Variants in GRK5 observed in about 807,000 individuals in gnomAD.
GRK5 encodes g protein-coupled receptor kinase GRK5.
GRK5 carries 40 observed loss-of-function variants against 78.4 expected under a neutral mutation model. The observed-to-expected ratio is 0.51, with a 90% confidence interval of 0.40 to 0.66. GRK5 has a LOEUF of 0.66. Among genes scored for constraint, GRK5 ranks in the 30% least tolerant of loss-of-function variants. The pLI is 0.00. For synonymous variants in GRK5, 289 were observed against 296.8 expected (o/e 0.97, Z 0.27); for missense variants, 598 against 759.9 (o/e 0.79, Z 2.50).
At chr10:119,432,963 T>G (rs1303911429) in intron 8 of GRK5, among the ~76,000 whole-genome samples, 1 of 152,000 alleles carries the variant, frequency 6.6e-6, no homozygotes, top group Non-Finnish European at 1.5e-5. Context: ...TCCAGCTACT[T>G]GGGAGGCTGA....
At chr10:119,403,383 T>G (rs1388650656) in intron 4 of GRK5, among the ~76,000 whole-genome samples, 1 of 152,172 alleles carries the variant, frequency 6.6e-6, no homozygotes, top group Non-Finnish European at 1.5e-5. Context: ...GCCAGGATGG[T>G]CTCGATCTCC....
chr10:119,216,047 T>G (rs12241835), intron 1 of GRK5, among the ~76,000 whole-genome samples: 2,303 of 152,348 alleles, frequency 0.015, 24 homozygotes, highest in Middle Eastern at 0.058. Flanking sequence ...CCTTAAAAAC[T>G]GTTTCTTGTG....
chr10:119,243,571 T>TTC lies in GRK5; in HGVS notation c.52+35603_52+35604insCT, dbSNP rs1554898022. 2.9e-3 allele frequency among the ~76,000 whole-genome samples: 436 copies of TTC among 148,748 alleles called. 4 individuals are homozygous for TTC. The highest frequency in any genetic ancestry group is 8.2e-3 in the African/African-American group (334 of 40,890). On this transcript the variant is annotated intron_variant, in intron 1 of 15. Transcript: ENST00000392870. ...AAACAATGTTCCCAGTTTTTCTTTT[T>TTC]TTTTTTTTTTTTCTTTCTGTCCCTA...
At chr10:119,428,540 C>T (rs1852748832) in intron 6 of GRK5, among the ~76,000 whole-genome samples, 1 of 152,186 alleles carries the variant, frequency 6.6e-6, no homozygotes, top group African/African-American at 2.4e-5. Context: ...CAGCCTTGGG[C>T]CACTCAGCAA....
chr10:119,239,817 C>T (rs1467881035), intron 1 of GRK5, among the ~76,000 whole-genome samples: 1 of 152,112 alleles, frequency 6.6e-6, no homozygotes, highest in Non-Finnish European at 1.5e-5. Context: ...TGGTTTCCAG[C>T]TTCATTCATG....
chr10:119,315,547 C>A (rs1272446777), intron 1 of GRK5, among the ~76,000 whole-genome samples: 1 of 152,200 alleles, frequency 6.6e-6, no homozygotes, highest in Non-Finnish European at 1.5e-5. Flanking sequence ...GCCGCCTCCA[C>A]TTTGCCCAGG....
At chr10:119,274,721 C>T (rs1276511203) in intron 1 of GRK5, among the ~76,000 whole-genome samples, 2 of 152,120 alleles carry the variant, frequency 1.3e-5, no homozygotes, top group African/African-American at 4.8e-5. Context: ...TTAGAGTTTT[C>T]GGTTTCTCTG....
chr10:119,458,303 A>G lies in GRK5; in HGVS notation c.*3236A>G, dbSNP rs1438282552. 2.6e-5 allele frequency: 4 copies of G among 152,238 alleles called. No homozygotes were observed. The East Asian group carries it at 7.7e-4, about 29-fold the overall frequency. The allele number at this position is 152,238 out of a possible 1,614,324, so 9.4% of individuals were successfully genotyped here. On this transcript the variant is annotated 3_prime_UTR_variant, in exon 16 of 16. Transcript: ENST00000392870. ...TCTGCCATGGTCACCATGATGCCCT[A>G]CAAGTGTTTATTGAGTCCCCTGGGG...
intron 6 of GRK5, among the ~76,000 whole-genome samples, chr10:119,429,359 G>T (rs1208814389): frequency 2.0e-3 from 2 of 1,000 alleles, no homozygotes; most frequent in Non-Finnish European, 0.034. Context: ...CAGTTCTTTG[G>T]CCCAGTTCTG....
At chr10:119,415,191 T>C (rs989374104) in intron 4 of GRK5, among the ~76,000 whole-genome samples, 5 of 151,508 alleles carry the variant, frequency 3.3e-5, no homozygotes, top group Middle Eastern at 3.5e-3. Flanking sequence ...GGAAGAACGG[T>C]CCTGCCTGCT....
chr10:119,342,008 G>A (rs544547668), intron 2 of GRK5, among the ~76,000 whole-genome samples: 5 of 152,188 alleles, frequency 3.3e-5, no homozygotes, highest in Admixed American at 3.3e-4. Context: ...CTCAATGGGA[G>A]GCGTGGGAGA....
At chr10:119,422,365 C>T (rs1188718963) in intron 4 of GRK5, among the ~76,000 whole-genome samples, 1 of 152,244 alleles carries the variant, frequency 6.6e-6, no homozygotes, top group Non-Finnish European at 1.5e-5. Flanking sequence ...ACATTTATTA[C>T]GTGCTTGCTA....
intron 1 of GRK5, among the ~76,000 whole-genome samples, chr10:119,261,994 CA>C (rs1048002381): frequency 1.1e-4 from 17 of 152,272 alleles, no homozygotes; most frequent in African/African-American, 4.1e-4. Flanking sequence ...GCAATGAAGT[CA>C]AAATTGACCT....
intron 1 of GRK5, among the ~76,000 whole-genome samples, chr10:119,219,061 G>A (rs1374922378): frequency 6.6e-6 from 1 of 151,682 alleles, no homozygotes; most frequent in Non-Finnish European, 1.5e-5. Context: ...GGATTTTTTT[G>A]TATTTTTAGT....
At chr10:119,426,801 A>G (rs1340742931) in intron 6 of GRK5, among the ~76,000 whole-genome samples, 5 of 151,542 alleles carry the variant, frequency 3.3e-5, no homozygotes, top group Non-Finnish European at 5.9e-5. Context: ...CACCACCTTC[A>G]TCAACATCAC....
At chr10:119,343,720 T>C (rs1375121416) in intron 2 of GRK5, among the ~76,000 whole-genome samples, 19 of 152,212 alleles carry the variant, frequency 1.2e-4, no homozygotes, top group Admixed American at 1.2e-3. Flanking sequence ...CCATGCCTCC[T>C]GTCTGAAAGG....
chr10:119,296,218 C>T (rs1025537738), intron 1 of GRK5, among the ~76,000 whole-genome samples: 5 of 152,180 alleles, frequency 3.3e-5, no homozygotes, highest in Admixed American at 6.5e-5. Context: ...CAGTTCCAGG[C>T]GTCACGTCTA....
intron 1 of GRK5, among the ~76,000 whole-genome samples, chr10:119,222,139 A>G (rs1848665108): frequency 6.6e-6 from 1 of 152,084 alleles, no homozygotes; most frequent in African/African-American, 2.4e-5. Context: ...AAGAAGGAAA[A>G]CAAGCTCAGA....
At chr10:119,446,103 T>C (rs567148825) in intron 12 of GRK5, among the ~76,000 whole-genome samples, 2 of 152,118 alleles carry the variant, frequency 1.3e-5, no homozygotes, top group African/African-American at 4.8e-5. Flanking sequence ...TTCCAGCCCA[T>C]CTGTACCCCT....
Sources: gnomAD v4.1 joint callset for allele counts (sites outside exome capture counted in the v4.1 genomes callset) on GRCh38, gnomAD v4.1.1 for gene constraint, MANE v1.5 for transcripts, NCBI Gene and HGNC (gene_info 2026-07-23, HGNC 2026-07-21) for gene names.